The following ATP10B variants were observed in gnomAD, a reference collection of about 807,000 sequenced individuals.
ATP10B encodes phospholipid-transporting ATPase VB.
ATP10B carries 122 observed loss-of-function variants against 141.2 expected under a neutral mutation model. That is an observed-to-expected ratio of 0.86 (90% CI 0.75 to 1.00). The LOEUF (loss-of-function observed/expected upper bound fraction) is 1.00, where lower values mean the gene tolerates loss of function less well. Among genes scored for constraint, ATP10B ranks in the 50% least tolerant of loss-of-function variants. The probability of loss-of-function intolerance (pLI) is 0.00; values close to 1 mark genes in which losing one functional copy is unlikely to be tolerated. For synonymous variants in ATP10B, 685 were observed against 692.0 expected, an observed-to-expected ratio of 0.99 and a Z score of 0.16; for missense variants, 1,876 against 1,825.3, an observed-to-expected ratio of 1.03 and a Z score of -0.51.
chr5:160,676,707 TATAG>T (rs1366954702), intron 6 of ATP10B, among the ~76,000 whole-genome samples: 1 of 152,238 alleles, frequency 6.6e-6, no homozygotes, highest in Admixed American at 6.5e-5. Context: ...ACATCTTTGT[TATAG>T]ATACCCTAGT....
chr5:160,823,969 A>C (rs1774378285), intron 1 of ATP10B, among the ~76,000 whole-genome samples: 1 of 152,222 alleles, frequency 6.6e-6, no homozygotes. Context: ...AAATACAAAT[A>C]AGTACGCAGA....
At chr5:160,700,527 A>G (rs1764609809) in intron 3 of ATP10B, among the ~76,000 whole-genome samples, 1 of 152,204 alleles carries the variant, frequency 6.6e-6, no homozygotes, top group Non-Finnish European at 1.5e-5. Flanking sequence ...ATGAAAGGTA[A>G]GTGATCTCAC....
At chr5:160,927,280 C>A in the ATP10B span, among the ~76,000 whole-genome samples, 1 of 152,150 alleles carries the variant, frequency 6.6e-6, no homozygotes, top group South Asian at 2.1e-4. Context: ...GGTGCACTTT[C>A]AGCTTTCTGA....
chr5:160,634,219 A>G lies in ATP10B; in HGVS notation c.1381+135T>C, dbSNP rs201077635. ...ATCTGTGACAAGGAAGACCACAGGGATACAGGAAGCAACTTGTGGAAATGC... is the reference window on the plus strand; with the variant it reads ...ATCTGTGACAAGGAAGACCACAGGGGTACAGGAAGCAACTTGTGGAAATGC... On this transcript the variant is annotated intron_variant, in intron 12 of 25. Coordinates refer to ENST00000327245, the MANE Select transcript of ATP10B (RefSeq NM_025153.3). 4,724 of 1,212,658 alleles carry G rather than the reference A, an allele frequency of 3.9e-3. 9 individuals carry two copies. The highest frequency in any genetic ancestry group is 4.9e-3 in the Non-Finnish European group (4,060 of 821,770). 75.1% of individuals were successfully genotyped at this position (1,212,658 alleles called of 1,614,324 possible).
intron 6 of ATP10B, among the ~76,000 whole-genome samples, chr5:160,681,730 T>C (rs1763412139): frequency 6.6e-6 from 1 of 152,196 alleles, no homozygotes; most frequent in Non-Finnish European, 1.5e-5. Context: ...ATAAGCAAAA[T>C]AGAACTTTAG....
At chr5:160,821,633 CA>C (rs1379355983) in intron 1 of ATP10B, among the ~76,000 whole-genome samples, 4 of 152,062 alleles carry the variant, frequency 2.6e-5, no homozygotes, top group African/African-American at 9.7e-5. Context: ...GTAACCAAAA[CA>C]GCATGGTACC....
chr5:160,761,829 T>A (rs35718248), intron 2 of ATP10B, among the ~76,000 whole-genome samples: 47,595 of 151,476 alleles, frequency 0.31, 7,765 homozygotes, highest in Non-Finnish European at 0.36. Flanking sequence ...TTAAAAAATT[T>A]AAAAAAATGT....
intron 1 of ATP10B, among the ~76,000 whole-genome samples, chr5:160,841,778 G>A (rs948644580): frequency 6.6e-6 from 1 of 152,096 alleles, no homozygotes; most frequent in Admixed American, 6.6e-5. Flanking sequence ...AGGCTGGAGT[G>A]CAGTGGCAAG....
At chr5:160,645,015 G>A (rs1033868329) in intron 8 of ATP10B, among the ~76,000 whole-genome samples, 1 of 151,866 alleles carries the variant, frequency 6.6e-6, no homozygotes, top group Admixed American at 6.6e-5. Flanking sequence ...TACTTGGGAG[G>A]CTGAGGCAGG....
At chr5:160,574,253 T>A (rs189095453) in intron 24 of ATP10B, among the ~76,000 whole-genome samples, 2 of 152,140 alleles carry the variant, frequency 1.3e-5, no homozygotes, top group Non-Finnish European at 1.5e-5. Flanking sequence ...GGAAACATGA[T>A]GAAACCTTGT....
chr5:160,812,839 T>G (rs1461735622), intron 1 of ATP10B, among the ~76,000 whole-genome samples: 2 of 151,812 alleles, frequency 1.3e-5, no homozygotes, highest in Non-Finnish European at 2.9e-5. Flanking sequence ...TGTAGATAGT[T>G]TTTTCAAAGG....
At chr5:160,865,281 C>T in the ATP10B span, among the ~76,000 whole-genome samples, 1 of 152,160 alleles carries the variant, frequency 6.6e-6, no homozygotes, top group African/African-American at 2.4e-5. Context: ...ATACTTACAA[C>T]CAGCTGGTCT....
chr5:160,674,133 C>G (rs1417813969), intron 6 of ATP10B, among the ~76,000 whole-genome samples: 2 of 152,228 alleles, frequency 1.3e-5, no homozygotes, highest in East Asian at 3.9e-4. Flanking sequence ...AGGGAGAACA[C>G]CTTCCACTCT....
chr5:160,785,219 CT>C (rs1771050728), intron 2 of ATP10B, among the ~76,000 whole-genome samples: 1 of 152,056 alleles, frequency 6.6e-6, no homozygotes, highest in Admixed American at 6.6e-5. Context: ...CAACTTTTTT[CT>C]TGTTATTTAC....
chr5:160,699,996 G>T (rs527390530), intron 3 of ATP10B, among the ~76,000 whole-genome samples: 4 of 152,198 alleles, frequency 2.6e-5, no homozygotes, highest in African/African-American at 9.6e-5. Context: ...TTTGACTGGG[G>T]GTCTAGAAGT....
chr5:160,890,000 A>C, the ATP10B span, among the ~76,000 whole-genome samples: 2 of 152,248 alleles, frequency 1.3e-5, no homozygotes, highest in South Asian at 2.1e-4. Flanking sequence ...TGGAAGATTC[A>C]TTTGCCATTT....
intron 2 of ATP10B, among the ~76,000 whole-genome samples, chr5:160,728,283 A>G (rs1766503375): frequency 6.6e-6 from 1 of 152,136 alleles, no homozygotes. Flanking sequence ...ATTTGGAAAA[A>G]TAGCCACAGA....
In ATP10B at chr5:160,613,546, G is replaced by A. The variant is rs952270434; in HGVS notation, c.2654-621C>T. ...AATAGGTTTGAGATTGGAAAAGCAG[G>A]ATGAGATTCAGAACTAAAAGCTACT... On this transcript the variant is annotated intron_variant, in intron 17 of 25. Coordinates refer to ENST00000327245, the MANE Select transcript of ATP10B (RefSeq NM_025153.3). 2.0e-5 allele frequency among the ~76,000 whole-genome samples: 3 copies of A among 152,204 alleles called. 1 individual carries two copies. In the East Asian group the frequency reaches 5.8e-4, roughly 29 times the overall value.
At chr5:160,654,202 C>T (rs539468766) in intron 7 of ATP10B, among the ~76,000 whole-genome samples, 15 of 151,594 alleles carry the variant, frequency 9.9e-5, no homozygotes, top group African/African-American at 2.9e-4. Context: ...TGAGCTTAAG[C>T]GAGCCTCCTG....
Sources: gnomAD v4.1 joint callset for allele counts (sites outside exome capture counted in the v4.1 genomes callset) on GRCh38, gnomAD v4.1.1 for gene constraint, MANE v1.5 for transcripts, NCBI Gene and HGNC (gene_info 2026-07-23, HGNC 2026-07-21) for gene names.